HDLBP: variants seen among roughly 807,000 people sequenced by gnomAD.
HDLBP encodes the protein vigilin.
In HDLBP, 30 loss-of-function variants were observed where a neutral mutation model predicts 137.3. That is an observed-to-expected ratio of 0.22 (90% CI 0.16 to 0.30). The LOEUF is 0.30. Among genes scored for constraint, HDLBP ranks in the 10% least tolerant of loss-of-function variants. The pLI is 1.00. For synonymous variants in HDLBP, 606 were observed against 596.0 expected (o/e 1.02, Z -0.24); for missense variants, 1,119 against 1,667.3 (o/e 0.67, Z 5.73).
intron 16 of HDLBP, among the ~76,000 whole-genome samples, chr2:241,243,303 T>C (rs2071418935): frequency 6.6e-6 from 1 of 152,224 alleles, no homozygotes; most frequent in Non-Finnish European, 1.5e-5. Context: ...GCCACTCATA[T>C]ACTGATACGC....
rs1425409512 is a variant in HDLBP, at chr2:241,246,991, C to T, written c.1818+65G>A. 1.0e-5 allele frequency: 16 copies of T among 1,565,020 alleles called. No homozygotes were observed. The highest frequency in any genetic ancestry group is 1.3e-5 in the Non-Finnish European group (15 of 1,135,694). On this transcript the variant is annotated intron_variant, in intron 15 of 27. Transcript: ENST00000310931. ...GGAAGAGTCCCTCCTAGTCTAAAAC[C>T]AAAATGGTGCAGGGCTACAGAGGAC...
chr2:241,275,920 G>C (rs1323081326), intron 1 of HDLBP, among the ~76,000 whole-genome samples: 1 of 152,110 alleles, frequency 6.6e-6, no homozygotes, highest in African/African-American at 2.4e-5. Flanking sequence ...ACATATTTCA[G>C]CAAGAAAATG....
intron 16 of HDLBP, 148 bp downstream of exon 16, chr2:241,246,604 A>T: frequency 1.3e-6 from 1 of 759,384 alleles, no homozygotes. Context: ...CTGCTGACCA[A>T]CTCATCAGTA....
Position 241,240,280 on chromosome 2 carries a change from C to G in HDLBP, c.2170-158G>C. 1.5e-6 allele frequency: 1 copy of G among 686,394 alleles called. No homozygotes were observed. Among genetic ancestry groups the G allele is most frequent in the Non-Finnish European group, 2.6e-6 (1 of 380,462 alleles). The allele number at this position is 686,394 out of a possible 1,614,324, so 42.5% of individuals were successfully genotyped here. ...TACCCCCAAAATGGGGCTAGCACAC[C>G]TCACTGAATAAACAGATGAATACCC... On this transcript the variant is annotated intron_variant, in intron 17 of 27. Transcript: ENST00000310931. The surrounding 1 kb of genome is among the most constrained non-coding windows in gnomAD (Gnocchi z 5.5).
chr2:241,293,496 CA>C (rs886115254), intron 1 of HDLBP, among the ~76,000 whole-genome samples: 4 of 151,992 alleles, frequency 2.6e-5, no homozygotes, highest in African/African-American at 9.7e-5. Context: ...CCTGTAGTCC[CA>C]GCTACTTGGA....
At position 241,233,984 on chromosome 2, in the gene HDLBP, A is replaced by T; in HGVS notation, c.3145-21T>A. ...AAAGCCTACAAATGAAAGGAGCAAG[A>T]ATGAGGCAAAGATTGAGCTGATCCA... On this transcript the variant is annotated intron_variant, in intron 23 of 27. Transcript: ENST00000310931. The surrounding 1 kb of genome is among the most constrained non-coding windows in gnomAD (Gnocchi z 4.3). The T allele has an allele frequency of 6.2e-7, 1 of 1,613,976 alleles. No homozygotes were observed. Among genetic ancestry groups the T allele is most frequent in the Non-Finnish European group, 8.5e-7 (1 of 1,179,852 alleles).
rs1267190219 is a variant in HDLBP at position 241,272,074 on chromosome 2, T to C, written c.-102-3533A>G. The stretch of plus-strand genomic sequence containing the variant: ...CCGCCTTTCATCCAAATTCGGTACT[T>C]TTCCGTAATGTATTTTTCATCCACG... On this transcript the variant is annotated intron_variant, in intron 1 of 27. Transcript: ENST00000310931. The surrounding 1 kb of genome is among the most constrained non-coding windows in gnomAD (Gnocchi z 5.6). 2 of 533,304 alleles carry C rather than the reference T, an allele frequency of 3.8e-6. No individual in the cohort carries two copies. Among genetic ancestry groups the C allele is most frequent in the African/African-American group, 4.1e-5 (2 of 48,636 alleles). The allele number at this position is 533,304 out of a possible 1,614,324, so 33.0% of individuals were successfully genotyped here. A position where few individuals can be genotyped will look rare whatever the true frequency, so the allele number is the denominator to read the frequency against.
Position 241,270,046 on chromosome 2 carries a change from C to G in HDLBP, c.-102-1505G>C, listed in dbSNP as rs115038622. ...CAGTGACAGCCACACTAGAAGTCTG[C>G]AAAATGCAGTTCCGTCCATGTCAGC... On this transcript the variant is annotated intron_variant, in intron 1 of 27. Coordinates refer to ENST00000310931, the MANE Select transcript of HDLBP (RefSeq NM_005336.6). 7.6e-3 allele frequency among the ~76,000 whole-genome samples: 1,155 copies of G among 152,320 alleles called. 8 individuals are homozygous for G. The highest frequency in any genetic ancestry group is 0.024 in the African/African-American group (1,001 of 41,558).
Position 241,239,811 on chromosome 2 carries a change from C to T in HDLBP, c.2401G>A (p.Val801Met). The change falls in exon 19 of 28, where the codon GTG becomes ATG. Residue 801 changes from valine to methionine, a missense_variant. This residue lies in a region of HDLBP where 618 missense variants were observed against 816.7 expected (regional missense o/e 0.76). Coordinates refer to ENST00000310931, the MANE Select transcript of HDLBP (RefSeq NM_005336.6). The surrounding 1 kb of genome is among the most constrained non-coding windows in gnomAD (Gnocchi z 4.6). Reference protein sequence around the residue: ...EALIQNLDNVVEDSMLVDPKH... With the variant: ...EALIQNLDNVMEDSMLVDPKH... ...GGGTCCACCAGCATGGAGTCTTCCA[C>T]CACATTATCCTGCAGTGTTAAGAAG... is the stretch of plus-strand genomic sequence containing the variant. 6.2e-7 allele frequency: 1 copy of T among 1,613,768 alleles called. No homozygotes were observed. Among genetic ancestry groups the T allele is most frequent in the Non-Finnish European group, 8.5e-7 (1 of 1,179,910 alleles).
chr2:241,242,943 G>A (rs924271823), intron 16 of HDLBP, among the ~76,000 whole-genome samples: 19 of 152,154 alleles, frequency 1.2e-4, no homozygotes, highest in African/African-American at 4.1e-4. Context: ...GAGTCCTCGT[G>A]AATCTATGCT....
At chr2:241,256,132 A>T in intron 7 of HDLBP, 52 bp downstream of exon 7, 30 of 1,406,992 alleles carry the variant, frequency 2.1e-5, no homozygotes, top group Non-Finnish European at 2.5e-5. Context: ...CCAGACCCAA[A>T]TCCTCATTTC....
chr2:241,273,029 T>C (rs2149588847), intron 1 of HDLBP: 1 of 985,266 alleles, frequency 1.0e-6, no homozygotes, highest in South Asian at 4.7e-5. Flanking sequence ...GTTGGGAAAT[T>C]AATCACCTCC....
At chr2:241,303,155 C>T (rs4675967) in intron 1 of HDLBP, among the ~76,000 whole-genome samples, 128,714 of 152,240 alleles carry the variant, frequency 0.85, 54,802 homozygotes, top group East Asian at 0.95. Context: ...AAGAAACAAG[C>T]AGCATTTGGT....
intron 1 of HDLBP, among the ~76,000 whole-genome samples, chr2:241,285,630 T>G (rs1210305134): frequency 1.3e-5 from 2 of 152,210 alleles, no homozygotes; most frequent in Non-Finnish European, 1.5e-5. Flanking sequence ...CACTAGTTAA[T>G]GTAACTACAT....
chr2:241,262,699 C>T lies in HDLBP; in HGVS notation c.450+12G>A. ...ACAGTCACTGGGGAGAAGTAGGCCTCAGGCTACCCACCTGAGTCTGCAGTC... is the reference window on the plus strand; with the variant it reads ...ACAGTCACTGGGGAGAAGTAGGCCTTAGGCTACCCACCTGAGTCTGCAGTC... On this transcript the variant is annotated intron_variant, in intron 5 of 27. Coordinates refer to ENST00000310931, the MANE Select transcript of HDLBP (RefSeq NM_005336.6). The T allele has an allele frequency of 6.2e-7, 1 of 1,607,418 alleles. No individual in the cohort carries two copies.
Position 241,229,338 on chromosome 2 carries a change from G to A in HDLBP, c.*263C>T, listed in dbSNP as rs1197837194. ...GCTGACTGACATGCCGGGTGGACCA[G>A]GAGCTGGAGTCTGTTATCTTAGCAC... On this transcript the variant is annotated 3_prime_UTR_variant, in exon 28 of 28. Transcript: ENST00000310931. 1.5e-5 allele frequency: 6 copies of A among 390,372 alleles called. No individual in the cohort carries two copies. The highest frequency in any genetic ancestry group is 2.4e-5 in the Non-Finnish European group (5 of 209,794). 24.2% of individuals were successfully genotyped at this position (390,372 alleles called of 1,614,324 possible).
intron 8 of HDLBP, 33 bp from the exon 9 acceptor site, chr2:241,255,191 A>G: frequency 1.3e-6 from 2 of 1,594,896 alleles, no homozygotes; most frequent in Non-Finnish European, 1.7e-6. Flanking sequence ...ATGGGTTTGC[A>G]GAGCTCAAGG....
chr2:241,272,042 G>C lies in HDLBP; in HGVS notation c.-102-3501C>G, dbSNP rs889015007. On this transcript the variant is annotated intron_variant, in intron 1 of 27. Transcript: ENST00000310931. The surrounding 1 kb of genome is among the most constrained non-coding windows in gnomAD (Gnocchi z 5.6). ...AGGCTTAAAGGGACAGCAACCCCTC[G>C]GCCTCCCCGCCTTTCATCCAAATTC... 1 of 306,608 alleles carries C rather than the reference G, an allele frequency of 3.3e-6. No individual in the cohort carries two copies. The highest frequency in any genetic ancestry group is 2.3e-5 in the African/African-American group (1 of 44,316). 19.0% of individuals were successfully genotyped at this position (306,608 alleles called of 1,614,324 possible).
At chr2:241,232,027 A>C (rs1308176477) in intron 24 of HDLBP, among the ~76,000 whole-genome samples, 1 of 152,190 alleles carries the variant, frequency 6.6e-6, no homozygotes, top group Non-Finnish European at 1.5e-5. Flanking sequence ...TAACCTAGAG[A>C]CAACAGAGCA....
Sources: allele counts gnomAD v4.1 joint callset (sites outside exome capture counted in the v4.1 genomes callset), GRCh38; gene constraint gnomAD v4.1.1; regional missense constraint gnomAD v4.1.1; non-coding constraint Gnocchi (gnomAD v3.1); transcripts MANE v1.5; gene names NCBI Gene and HGNC (gene_info 2026-07-23, HGNC 2026-07-21).